Variants in ZNF605 observed in about 807,000 individuals in gnomAD.
The protein encoded by ZNF605 is zinc finger protein 605.
ZNF605 carries 9 observed loss-of-function variants against 7.9 expected under a neutral mutation model. The observed-to-expected ratio is 1.14, with a 90% confidence interval of 0.68 to 1.98. The LOEUF is 1.98. ZNF605 is among the 30% of genes most tolerant of loss of function. The pLI, the probability that ZNF605 is intolerant of heterozygous loss-of-function variation, is 0.00. For synonymous variants in ZNF605, 255 were observed against 260.1 expected (o/e 0.98, Z 0.19); for missense variants, 673 against 762.4 (o/e 0.88, Z 1.38).
rs746187749 is a variant in ZNF605 at position 132,925,748 on chromosome 12, C to T, written c.1551G>A (p.Lys517=). The change falls in exon 5 of 5, where the codon AAG becomes AAA. Residue 517 remains lysine (K), a synonymous_variant. Transcript: ENST00000360187. ...TTCTCTGATGCCTAAGAAGCTGTGG[C>T]TTCCAGGCAAAAGCTTTCCTACATT... ...CSECRKAFAW[K]PQLLRHQRIH... is the part of the protein sequence containing the mutation. The T allele has an allele frequency of 1.9e-6, 3 of 1,613,920 alleles. No homozygotes were observed. The East Asian group carries it at 6.7e-5, about 36-fold the overall frequency.
chr12:132,937,292 G>C (rs2137140038), intron 3 of ZNF605, among the ~76,000 whole-genome samples: 1 of 146,706 alleles, frequency 6.8e-6, no homozygotes, highest in Non-Finnish European at 1.5e-5. Flanking sequence ...CCAGGAGGCA[G>C]AGGTTGCAGT....
intron 3 of ZNF605, among the ~76,000 whole-genome samples, chr12:132,939,615 A>T (rs1393162569): frequency 2.0e-5 from 3 of 152,156 alleles, no homozygotes; most frequent in Non-Finnish European, 4.4e-5. Context: ...CAGCGCCCTG[A>T]CAAAACAGGC....
chr12:132,954,221 C>T (rs1000173422), intron 1 of ZNF605, among the ~76,000 whole-genome samples: 3 of 150,044 alleles, frequency 2.0e-5, no homozygotes, highest in African/African-American at 4.9e-5. Context: ...ATACAGATGC[C>T]AGACACCATA....
rs1952205430 is a variant in ZNF605, at chr12:132,921,551, T to C, written c.*3822A>G. The C allele has an allele frequency of 6.6e-6, 1 of 152,258 alleles. No individual in the cohort carries two copies. The highest frequency in any genetic ancestry group is 2.4e-5 in the African/African-American group (1 of 41,466). The allele number at this position is 152,258 out of a possible 1,614,324, so 9.4% of individuals were successfully genotyped here. On this transcript the variant is annotated 3_prime_UTR_variant, in exon 5 of 5. Coordinates refer to ENST00000360187, the MANE Select transcript of ZNF605 (RefSeq NM_183238.4). ...CTCACACAATGCTATATTCAAATTATGCCAAAGTCCCAACATATTCATTTC... is the reference window on the plus strand; with the variant it reads ...CTCACACAATGCTATATTCAAATTACGCCAAAGTCCCAACATATTCATTTC...
intron 2 of ZNF605, among the ~76,000 whole-genome samples, chr12:132,946,509 A>G (rs1427896896): frequency 2.0e-5 from 3 of 152,182 alleles, no homozygotes; most frequent in Non-Finnish European, 4.4e-5. Flanking sequence ...CCCAGTTCAC[A>G]CCGGAACAGA....
At chr12:132,939,914 C>T in intron 3 of ZNF605, among the ~76,000 whole-genome samples, 1 of 151,788 alleles carries the variant, frequency 6.6e-6, no homozygotes, top group South Asian at 2.1e-4. Context: ...AGAGCTGTAA[C>T]ACTCACCGCG....
intron 3 of ZNF605, among the ~76,000 whole-genome samples, chr12:132,938,571 T>C (rs1278080045): frequency 1.3e-5 from 2 of 152,062 alleles, no homozygotes; most frequent in Non-Finnish European, 2.9e-5. Context: ...GAAGTGCTGG[T>C]GAGAGGTGAC....
At chr12:132,937,056 C>G (rs1952373781) in intron 3 of ZNF605, among the ~76,000 whole-genome samples, 1 of 152,056 alleles carries the variant, frequency 6.6e-6, no homozygotes, top group South Asian at 2.1e-4. Flanking sequence ...GACATTTCAC[C>G]AAAGAAAATA....
rs549855177 is a variant in ZNF605, at chr12:132,918,588, CTT to C, written c.*6783_*6784del. The C allele has an allele frequency of 3.3e-5, 5 of 152,158 alleles. No individual in the cohort carries two copies. The highest frequency in any genetic ancestry group is 7.3e-5 in the Non-Finnish European group (5 of 68,060). The allele number at this position is 152,158 out of a possible 1,614,324, so 9.4% of individuals were successfully genotyped here. ...CCTTTTAGCCCCACCCTTGTTTTCT[CTT>C]TTTTTGAGACGGAGTCTCACTCTGT... On this transcript the variant is annotated 3_prime_UTR_variant, in exon 5 of 5. Transcript: ENST00000360187.
intron 1 of ZNF605, among the ~76,000 whole-genome samples, chr12:132,952,212 T>C (rs1271369312): frequency 1.3e-5 from 2 of 151,816 alleles, no homozygotes; most frequent in African/African-American, 2.4e-5. Flanking sequence ...ATCCCAGCAC[T>C]TTGGGAGGCT....
In ZNF605 at chr12:132,926,620, A is replaced by T; in HGVS notation, c.679T>A (p.Cys227Ser). ...RTHSGEKPHG[C>S]SECQKAFSRK... is the part of the protein sequence containing the mutation. ...CTAAAAGCTTTCTGACATTCGCTGCACCCATGCGGTTTTTCTCCTGAGTGA... is the reference window on the plus strand; with the variant it reads ...CTAAAAGCTTTCTGACATTCGCTGCTCCCATGCGGTTTTTCTCCTGAGTGA... Residue 227 changes from cysteine (C) to serine (S), a missense_variant, in exon 5 of 5, where the codon TGC (cysteine) becomes AGC (serine). By Grantham distance (112) the Cys-to-Ser change is moderately radical (BLOSUM62 -1). Transcript: ENST00000360187. 6.2e-7 allele frequency: 1 copy of T among 1,614,178 alleles called. No individual in the cohort carries two copies. Among genetic ancestry groups the T allele is most frequent in the Non-Finnish European group, 8.5e-7 (1 of 1,180,030 alleles).
Position 132,922,849 on chromosome 12 carries a change from G to A in ZNF605, c.*2524C>T, listed in dbSNP as rs1401674483. 6.6e-6 allele frequency: 1 copy of A among 152,166 alleles called. No homozygotes were observed. The highest frequency in any genetic ancestry group is 1.5e-5 in the Non-Finnish European group (1 of 68,068). The allele number at this position is 152,166 out of a possible 1,614,324, so 9.4% of individuals were successfully genotyped here. On this transcript the variant is annotated 3_prime_UTR_variant, in exon 5 of 5. Transcript: ENST00000360187. Reference sequence around the variant, plus strand: ...CTACCATGGTCCAGGCAGGAGGAAGGGAACGGTAATAAATAACTTTTTCTC... The same window carrying A: ...CTACCATGGTCCAGGCAGGAGGAAGAGAACGGTAATAAATAACTTTTTCTC...
In ZNF605 at chr12:132,932,670, GA is replaced by G. The variant is rs1370707898; in HGVS notation, c.136+364del. ...TGCCCACCTGTCATCAAAAACCTGAGATAAAATGTTCACTGTATCTCATAAA... is the reference window on the plus strand; with the variant it reads ...TGCCCACCTGTCATCAAAAACCTGAGTAAAATGTTCACTGTATCTCATAAA... On this transcript the variant is annotated intron_variant, in intron 4 of 4. Transcript: ENST00000360187. The G allele has an allele frequency of 3.8e-6, 5 of 1,307,988 alleles. No individual in the cohort carries two copies. The East Asian group carries it at 1.3e-4, about 33-fold the overall frequency. 81.0% of individuals were successfully genotyped at this position (1,307,988 alleles called of 1,614,324 possible).
rs1952438145 is a variant in ZNF605, at chr12:132,941,279, G to A, written c.15+4342C>T. Reference sequence around the variant, plus strand: ...GCTGCTTCTGCTCTCAGAAGACGGTGAACCACGGGAAACAGCTGTCCTGCT... The same window carrying A: ...GCTGCTTCTGCTCTCAGAAGACGGTAAACCACGGGAAACAGCTGTCCTGCT... On this transcript the variant is annotated intron_variant, in intron 3 of 4. Coordinates refer to ENST00000360187, the MANE Select transcript of ZNF605 (RefSeq NM_183238.4). The surrounding 1 kb of genome is among the most constrained non-coding windows in gnomAD (Gnocchi z 5.1). Among the ~76,000 whole-genome samples the A allele has an allele frequency of 3.3e-5, 5 of 152,106 alleles. No homozygotes were observed. The South Asian group carries it at 8.3e-4, about 25-fold the overall frequency.
At chr12:132,940,341 A>T (rs12306863) in intron 3 of ZNF605, among the ~76,000 whole-genome samples, 1 of 152,096 alleles carries the variant, frequency 6.6e-6, no homozygotes, top group Non-Finnish European at 1.5e-5. Context: ...AACTCCTCTG[A>T]GGAAGCTGGC....
Position 132,940,282 on chromosome 12 carries a change from G to A in ZNF605, c.15+5339C>T, listed in dbSNP as rs367625845. Among the ~76,000 whole-genome samples the A allele has an allele frequency of 3.8e-4, 58 of 152,288 alleles. No homozygotes were observed. The South Asian group carries it at 0.011, about 28-fold the overall frequency. ...AGACTTCCTGTGTGGTGACGGAGCC[G>A]CTCTGTCCCGACTGTGATGTTGATG... On this transcript the variant is annotated intron_variant, in intron 3 of 4. Coordinates refer to ENST00000360187, the MANE Select transcript of ZNF605 (RefSeq NM_183238.4).
intron 1 of ZNF605, among the ~76,000 whole-genome samples, chr12:132,951,310 GCA>G (rs1952562906): frequency 2.0e-5 from 3 of 149,264 alleles, no homozygotes; most frequent in East Asian, 2.0e-4. Flanking sequence ...ACACAGACAT[GCA>G]CACACTGATA....
In ZNF605 at chr12:132,925,931, C is replaced by T. The variant is rs267603388; in HGVS notation, c.1368G>A (p.Lys456=). The change falls in exon 5 of 5, where the codon AAG becomes AAA. Residue 456 remains lysine (K), a synonymous_variant. Coordinates refer to ENST00000360187, the MANE Select transcript of ZNF605 (RefSeq NM_183238.4). ...TCAGGCTTGACTTCTGGGTGAAGGC[C>T]TTCCCACACTCACTGCATTCATAAG... ...EKPYECSECG[K]AFTQKSSLIS... The T allele has an allele frequency of 3.6e-5, 58 of 1,613,956 alleles. No homozygotes were observed. The South Asian group carries it at 5.8e-4, about 16-fold the overall frequency.
intron 3 of ZNF605, among the ~76,000 whole-genome samples, chr12:132,935,620 C>T (rs1033870504): frequency 1.3e-4 from 17 of 131,994 alleles, no homozygotes; most frequent in Admixed American, 3.0e-4. Flanking sequence ...CATCCAGGTG[C>T]GGTGGCTCAC....
Sources: gnomAD v4.1 joint callset for allele counts (sites outside exome capture counted in the v4.1 genomes callset) on GRCh38, gnomAD v4.1.1 for gene constraint, Gnocchi (gnomAD v3.1) non-coding constraint, MANE v1.5 for transcripts, NCBI Gene and HGNC (gene_info 2026-07-23, HGNC 2026-07-21) for gene names.